TIAM2: variants seen among roughly 807,000 people sequenced by gnomAD.
TIAM2 encodes rho guanine nucleotide exchange factor TIAM2.
TIAM2 carries 80 observed loss-of-function variants against 152.9 expected under a neutral mutation model. That is an observed-to-expected ratio of 0.52 (90% CI 0.44 to 0.63). The LOEUF (loss-of-function observed/expected upper bound fraction) is 0.63. Ranked by LOEUF, TIAM2 falls within the 30% of genes least tolerant of loss-of-function variation. The pLI is 0.00. For synonymous variants in TIAM2, 804 were observed against 838.0 expected, an observed-to-expected ratio of 0.96 and a Z score of 0.70; for missense variants, 1,965 against 2,120.1, an observed-to-expected ratio of 0.93 and a Z score of 1.44.
intron 1 of TIAM2, among the ~76,000 whole-genome samples, chr6:155,063,578 TCAAGAC>T (rs1777631630): frequency 6.6e-6 from 1 of 151,816 alleles, no homozygotes; most frequent in Admixed American, 6.6e-5. Context: ...GGTCAAGAGG[TCAAGAC>T]CATCCTGGCC....
intron 15 of TIAM2, among the ~76,000 whole-genome samples, chr6:155,235,301 T>C (rs547374732): frequency 6.6e-6 from 1 of 152,176 alleles, no homozygotes; most frequent in Non-Finnish European, 1.5e-5. Context: ...CCTGCTGCCT[T>C]TTCATCAGGA....
At chr6:155,222,046 C>T (rs1010502335) in intron 15 of TIAM2, among the ~76,000 whole-genome samples, 4 of 151,922 alleles carry the variant, frequency 2.6e-5, no homozygotes, top group Non-Finnish European at 5.9e-5. Flanking sequence ...CTCTGCCTCC[C>T]GGGTTCAAGC....
At chr6:155,069,345 C>T (rs1474313648) in intron 1 of TIAM2, among the ~76,000 whole-genome samples, 1 of 152,154 alleles carries the variant, frequency 6.6e-6, no homozygotes, top group Non-Finnish European at 1.5e-5. Flanking sequence ...CCTCCCACCT[C>T]AGCCTCCCGA....
At chr6:155,195,763 T>C (rs1781328386) in intron 14 of TIAM2, among the ~76,000 whole-genome samples, 1 of 152,122 alleles carries the variant, frequency 6.6e-6, no homozygotes, top group South Asian at 2.1e-4. Context: ...GAGCACAGGC[T>C]TGTGGGAGGT....
intron 2 of TIAM2, among the ~76,000 whole-genome samples, chr6:155,093,734 A>G (rs974762450): frequency 6.6e-6 from 1 of 152,176 alleles, no homozygotes; most frequent in Non-Finnish European, 1.5e-5. Flanking sequence ...GGATTCCTCC[A>G]AGCACCAGGA....
In TIAM2 at chr6:155,213,763, G is replaced by T. The variant is rs1223289837; in HGVS notation, c.3168+2456G>T. 6.6e-6 allele frequency among the ~76,000 whole-genome samples: 1 copy of T among 152,216 alleles called. No homozygotes were observed. The highest frequency in any genetic ancestry group is 2.4e-5 in the African/African-American group (1 of 41,468). ...CGAGCTGCCCTCAGTCCCCTCCTTG[G>T]CCTGCCTCCCATGCTCATTGGTGCC... On this transcript the variant is annotated intron_variant, in intron 15 of 26. Transcript: ENST00000682666. This position sits in a 1 kb window ranked among gnomAD's most constrained non-coding sequence, Gnocchi z 4.2.
At chr6:155,134,768 T>G (rs909920271) in intron 4 of TIAM2, among the ~76,000 whole-genome samples, 2 of 152,074 alleles carry the variant, frequency 1.3e-5, no homozygotes, top group Non-Finnish European at 2.9e-5. Flanking sequence ...TGCAGTGGCG[T>G]GATCTCTACT....
intron 15 of TIAM2, among the ~76,000 whole-genome samples, chr6:155,222,736 G>A (rs1389550642): frequency 1.3e-5 from 2 of 151,972 alleles, no homozygotes; most frequent in African/African-American, 2.4e-5. Flanking sequence ...TCAAGGGTCC[G>A]TCTGACCAGC....
chr6:155,101,952 T>G (rs957677678), intron 2 of TIAM2, among the ~76,000 whole-genome samples: 30 of 152,046 alleles, frequency 2.0e-4, no homozygotes, highest in African/African-American at 7.2e-4. Context: ...TCTGCCTGCC[T>G]TGGCCTCCCA....
At chr6:155,253,277 C>G in intron 24 of TIAM2, 3 of 522,226 alleles carry the variant, frequency 5.7e-6, no homozygotes, top group Non-Finnish European at 1.0e-5. Context: ...TCATTGTTTC[C>G]TTATTTTCCC....
chr6:154,998,729 C>A (rs952884136), intron 1 of TIAM2, among the ~76,000 whole-genome samples: 1 of 152,162 alleles, frequency 6.6e-6, no homozygotes, highest in Admixed American at 6.6e-5. Flanking sequence ...TGGATCAATT[C>A]TCCCATTTTA....
At chr6:155,193,785 G>A (rs113913694) in intron 14 of TIAM2, among the ~76,000 whole-genome samples, 41 of 152,284 alleles carry the variant, frequency 2.7e-4, no homozygotes, top group African/African-American at 8.9e-4. Context: ...TGAAACTGGC[G>A]CATTTTTAAA....
chr6:155,030,729 G>A (rs936404670), intron 1 of TIAM2, among the ~76,000 whole-genome samples: 2 of 152,278 alleles, frequency 1.3e-5, no homozygotes, highest in African/African-American at 4.8e-5. Flanking sequence ...GTTCTATCAT[G>A]ATGGAAATTA....
chr6:155,242,950 C>G (rs1783124129), intron 16 of TIAM2, among the ~76,000 whole-genome samples: 1 of 150,772 alleles, frequency 6.6e-6, no homozygotes, highest in Non-Finnish European at 1.5e-5. Flanking sequence ...ACCATGTTGG[C>G]TTGGCTGGTC....
chr6:155,215,205 T>G (rs1781823622), intron 15 of TIAM2, among the ~76,000 whole-genome samples: 1 of 152,228 alleles, frequency 6.6e-6, no homozygotes, highest in Non-Finnish European at 1.5e-5. Flanking sequence ...GTTAGCACGT[T>G]AAGGCCATTG....
chr6:155,032,208 C>T (rs1231797614), intron 1 of TIAM2, among the ~76,000 whole-genome samples: 2 of 152,138 alleles, frequency 1.3e-5, no homozygotes, highest in Admixed American at 1.3e-4. Context: ...CTGGTGCATA[C>T]ACACGTCTTA....
At chr6:155,236,170 G>A (rs1583273472) in intron 15 of TIAM2, among the ~76,000 whole-genome samples, 1 of 151,882 alleles carries the variant, frequency 6.6e-6, no homozygotes, top group Non-Finnish European at 1.5e-5. Flanking sequence ...GAACACCAGA[G>A]TCATGGCTGT....
chr6:155,165,285 C>T lies in TIAM2; in HGVS notation c.2237C>T (p.Ala746Val). Residue 746 changes from alanine (A) to valine (V), a missense_variant, in exon 9 of 27, where the codon GCT (alanine) becomes GTT (valine). Physicochemically the swap from Ala to Val is moderately conservative, Grantham distance 64. Around this residue, in one of 3 missense-constraint regions of TIAM2, gnomAD observed 1,025 missense variants for 1,119.4 expected, o/e 0.92. Transcript: ENST00000682666. ...HALVCSRDDS[A>V]LRKRTLSLTQ... ...TAGGTATGTTCTAGAGATGACTCTGCTCTCCGGAAAAGGACACTGTCACTG... is the reference window on the plus strand; with the variant it reads ...TAGGTATGTTCTAGAGATGACTCTGTTCTCCGGAAAAGGACACTGTCACTG... The T allele has an allele frequency of 6.2e-7, 1 of 1,613,842 alleles. No homozygotes were observed.
At chr6:155,151,928 T>C (rs1165784660) in intron 7 of TIAM2, among the ~76,000 whole-genome samples, 1 of 146,054 alleles carries the variant, frequency 6.8e-6, no homozygotes, top group Non-Finnish European at 1.5e-5. Flanking sequence ...CATCTTAACC[T>C]CCACCTCCCA....
Sources: allele counts gnomAD v4.1 joint callset (sites outside exome capture counted in the v4.1 genomes callset), GRCh38; gene constraint gnomAD v4.1.1; regional missense constraint gnomAD v4.1.1; non-coding constraint Gnocchi (gnomAD v3.1); transcripts MANE v1.5; gene names NCBI Gene and HGNC (gene_info 2026-07-23, HGNC 2026-07-21).